Variants in GPHN observed in about 807,000 individuals in gnomAD.
GPHN encodes the protein gephyrin.
Under a neutral mutation model 95.5 loss-of-function variants are expected in GPHN, and 17 were observed. The observed-to-expected ratio is 0.18, with a 90% CI of 0.12 to 0.27. GPHN has a LOEUF of 0.27. Ranked by LOEUF, GPHN falls within the 10% of genes least tolerant of loss-of-function variation. The probability of loss-of-function intolerance (pLI) is 1.00; values close to 1 mark genes in which losing one functional copy is unlikely to be tolerated. For synonymous variants in GPHN, 320 were observed against 322.5 expected, an observed-to-expected ratio of 0.99 and a Z score of 0.08; for missense variants, 660 against 978.1, an observed-to-expected ratio of 0.67 and a Z score of 4.34.
intron 2 of GPHN, among the ~76,000 whole-genome samples, chr14:66,713,935 A>AT (rs1188794780): frequency 9.9e-5 from 15 of 151,972 alleles, no homozygotes; most frequent in Non-Finnish European, 1.8e-4. Context: ...CACCTGGCTA[A>AT]TTTTTGTATT....
chr14:67,376,031 G>A, the GPHN span, among the ~76,000 whole-genome samples: 3 of 152,160 alleles, frequency 2.0e-5, no homozygotes, highest in African/African-American at 7.2e-5. Flanking sequence ...AGTTTGGCAG[G>A]TGGGTAAGAT....
intron 8 of GPHN, among the ~76,000 whole-genome samples, chr14:66,957,281 C>T (rs1199002634): frequency 4.7e-5 from 7 of 149,010 alleles, no homozygotes; most frequent in Non-Finnish European, 8.9e-5. Context: ...CTGAAACCTC[C>T]ACCTCCTGAG....
intron 2 of GPHN, among the ~76,000 whole-genome samples, chr14:66,698,899 A>T (rs1340650416): frequency 6.6e-6 from 1 of 152,192 alleles, no homozygotes; most frequent in African/African-American, 2.4e-5. Flanking sequence ...AAATCTGCAG[A>T]TAAGTGGAAC....
the GPHN span, among the ~76,000 whole-genome samples, chr14:67,403,140 T>C: frequency 2.0e-5 from 3 of 152,242 alleles, no homozygotes; most frequent in African/African-American, 7.2e-5. Flanking sequence ...GATATCCCAT[T>C]GTAGTTTTGA....
chr14:67,044,588 A>C (rs143698924), intron 10 of GPHN, among the ~76,000 whole-genome samples: 1 of 152,186 alleles, frequency 6.6e-6, no homozygotes, highest in Non-Finnish European at 1.5e-5. Flanking sequence ...CGGTTGATGT[A>C]AACTATACTT....
the GPHN span, chr14:67,616,020 A>G: frequency 3.2e-6 from 1 of 309,678 alleles, no homozygotes; most frequent in Non-Finnish European, 6.3e-6. Flanking sequence ...GGCTGAAAAA[A>G]GCAAGAAAAA....
chr14:66,960,865 T>C (rs532294067), intron 8 of GPHN, among the ~76,000 whole-genome samples: 2 of 152,248 alleles, frequency 1.3e-5, no homozygotes, highest in South Asian at 4.1e-4. Flanking sequence ...CCTTATGCCT[T>C]AAAGTACCTC....
the GPHN span, among the ~76,000 whole-genome samples, chr14:67,232,429 A>T: frequency 6.6e-6 from 1 of 152,236 alleles, no homozygotes; most frequent in East Asian, 1.9e-4. Context: ...TCATGCCTTC[A>T]GGTGACTGCA....
intron 9 of GPHN, among the ~76,000 whole-genome samples, chr14:66,992,584 A>G (rs2153604966): frequency 6.6e-6 from 1 of 152,294 alleles, no homozygotes; most frequent in African/African-American, 2.4e-5. Context: ...ATAGATCTTT[A>G]AAGATGAGTA....
the GPHN span, chr14:67,727,021 G>A: frequency 6.2e-7 from 1 of 1,613,476 alleles, no homozygotes; most frequent in Non-Finnish European, 8.5e-7. Flanking sequence ...AGCGGCTAAA[G>A]GTGTCTGCCC....
chr14:67,307,891 C>T, the GPHN span, among the ~76,000 whole-genome samples: 4 of 151,944 alleles, frequency 2.6e-5, no homozygotes, highest in Admixed American at 2.0e-4. Context: ...CCATGGAATA[C>T]GAATGCAGCC....
At chr14:66,683,119 T>C (rs1425043429) in intron 2 of GPHN, among the ~76,000 whole-genome samples, 1 of 151,422 alleles carries the variant, frequency 6.6e-6, no homozygotes, top group Non-Finnish European at 1.5e-5. Context: ...TCTCCTAACC[T>C]GCCATTATCC....
chr14:66,603,178 G>A (rs2062340146), intron 1 of GPHN, among the ~76,000 whole-genome samples: 1 of 151,718 alleles, frequency 6.6e-6, no homozygotes, highest in South Asian at 2.1e-4. Context: ...TAAAACAGTA[G>A]GATTTTGAAA....
intron 9 of GPHN, among the ~76,000 whole-genome samples, chr14:66,984,507 T>C (rs950925614): frequency 2.0e-5 from 3 of 152,248 alleles, no homozygotes; most frequent in Non-Finnish European, 4.4e-5. Flanking sequence ...AACTCTTATA[T>C]AGCAATATGC....
At chr14:67,111,940 A>G in intron 15 of GPHN, 21 bp downstream of exon 15, 1 of 1,569,018 alleles carries the variant, frequency 6.4e-7, no homozygotes, top group Non-Finnish European at 8.8e-7. Flanking sequence ...AACACATAGA[A>G]TATATAGCCT....
At chr14:67,525,765 A>T in the GPHN span, among the ~76,000 whole-genome samples, 5 of 152,354 alleles carry the variant, frequency 3.3e-5, no homozygotes, top group East Asian at 9.6e-4. Context: ...ATTTATTTCA[A>T]CATTAACAAT....
At chr14:67,649,583 G>A in the GPHN span, 118 of 152,292 alleles carry the variant, frequency 7.7e-4, 1 homozygote, top group African/African-American at 2.8e-3. Flanking sequence ...TTTAGTCAGT[G>A]GAAATCAGAG....
chr14:66,781,260 G>A (rs1183896823), intron 3 of GPHN, among the ~76,000 whole-genome samples: 3 of 148,932 alleles, frequency 2.0e-5, no homozygotes, highest in Admixed American at 6.7e-5. Context: ...TCTGTCGCCC[G>A]GGCTTGAGTG....
intron 1 of GPHN, among the ~76,000 whole-genome samples, chr14:66,633,769 G>T (rs1476345450): frequency 6.6e-6 from 1 of 152,096 alleles, no homozygotes; most frequent in South Asian, 2.1e-4. Flanking sequence ...CACAAAGGTG[G>T]TGCTGTACTC....
Sources: allele counts gnomAD v4.1 joint callset (sites outside exome capture counted in the v4.1 genomes callset), GRCh38; gene constraint gnomAD v4.1.1; transcripts MANE v1.5; gene names NCBI Gene and HGNC (gene_info 2026-07-23, HGNC 2026-07-21).